Variants in SLC24A2 observed in about 807,000 individuals in gnomAD.
SLC24A2 encodes the protein sodium/potassium/calcium exchanger 2.
Under a neutral mutation model 62.0 loss-of-function variants are expected in SLC24A2, and 36 were observed. The ratio of observed to expected loss-of-function variants is 0.58; its 90% CI spans 0.44 to 0.77. The LOEUF is 0.77. Ranked by LOEUF, SLC24A2 falls within the 30% of genes least tolerant of loss-of-function variation. The pLI is 0.00. For synonymous variants in SLC24A2, 358 were observed against 294.0 expected, an observed-to-expected ratio of 1.22 and a Z score of -2.23; for missense variants, 846 against 817.9, an observed-to-expected ratio of 1.03 and a Z score of -0.42.
At chr9:19,534,554 G>A (rs562622949) in intron 8 of SLC24A2, among the ~76,000 whole-genome samples, 42 of 149,728 alleles carry the variant, frequency 2.8e-4, no homozygotes, top group Non-Finnish European at 4.6e-4. Flanking sequence ...TCCCCTCCCC[G>A]GGTCCATGTT....
At chr9:20,156,019 A>G in the SLC24A2 span, among the ~76,000 whole-genome samples, 1 of 151,742 alleles carries the variant, frequency 6.6e-6, no homozygotes, top group African/African-American at 2.4e-5. Flanking sequence ...ATAAAAGCCT[A>G]TTACTCTACC....
the SLC24A2 span, among the ~76,000 whole-genome samples, chr9:19,843,523 A>C: frequency 6.6e-6 from 1 of 152,048 alleles, no homozygotes; most frequent in Non-Finnish European, 1.5e-5. Flanking sequence ...AAAAAATAAT[A>C]ATTTCAACTT....
the SLC24A2 span, among the ~76,000 whole-genome samples, chr9:20,042,993 C>G: frequency 1.4e-4 from 21 of 152,134 alleles, no homozygotes; most frequent in African/African-American, 5.1e-4. Context: ...CTCCTTGGGT[C>G]TCCCTATTTC....
chr9:19,665,059 G>A (rs1483926576), intron 2 of SLC24A2, among the ~76,000 whole-genome samples: 4 of 152,128 alleles, frequency 2.6e-5, no homozygotes, highest in African/African-American at 4.8e-5. Flanking sequence ...GAATTTCAAG[G>A]CTGCCTGCTG....
chr9:19,855,699 TTCTC>T, the SLC24A2 span, among the ~76,000 whole-genome samples: 1 of 152,162 alleles, frequency 6.6e-6, no homozygotes, highest in Non-Finnish European at 1.5e-5. Context: ...TGTCCTGCCT[TTCTC>T]TCTGGCTGCC....
chr9:19,795,464 A>C, the SLC24A2 span, among the ~76,000 whole-genome samples: 1 of 152,192 alleles, frequency 6.6e-6, no homozygotes, highest in Non-Finnish European at 1.5e-5. Flanking sequence ...AACCCCTCAA[A>C]TACTCCACAT....
the SLC24A2 span, among the ~76,000 whole-genome samples, chr9:19,991,664 T>C: frequency 6.6e-6 from 1 of 152,204 alleles, no homozygotes; most frequent in African/African-American, 2.4e-5. Context: ...ACTACCATCC[T>C]ATACTGTCCT....
chr9:20,201,567 G>C, the SLC24A2 span, among the ~76,000 whole-genome samples: 1 of 152,012 alleles, frequency 6.6e-6, no homozygotes, highest in African/African-American at 2.4e-5. Flanking sequence ...ACCTGGAAGA[G>C]GTGACTTAAT....
At chr9:19,532,174 G>GT (rs1833739718) in intron 8 of SLC24A2, among the ~76,000 whole-genome samples, 1 of 152,256 alleles carries the variant, frequency 6.6e-6, no homozygotes, top group South Asian at 2.1e-4. Flanking sequence ...CCTCCACCTT[G>GT]TGGGTTCAAG....
rs373001750 is a variant in SLC24A2 at position 19,549,905 on chromosome 9, A to G, written c.1479+232T>C. Reference sequence around the variant, plus strand: ...TTTGATAACCTGAACAATCAGTGTGATTGTGTGTCTGCTCAGAGAAATCTG... The same window carrying G: ...TTTGATAACCTGAACAATCAGTGTGGTTGTGTGTCTGCTCAGAGAAATCTG... On this transcript the variant is annotated intron_variant, in intron 8 of 10. Transcript: ENST00000341998. Among the ~76,000 whole-genome samples the G allele has an allele frequency of 6.6e-5, 10 of 152,184 alleles. No individual in the cohort carries two copies. The East Asian group carries it at 1.2e-3, about 18-fold the overall frequency.
chr9:19,671,803 T>C lies in SLC24A2; in HGVS notation c.931-49504A>G, dbSNP rs1470919565. 5.0e-5 allele frequency among the ~76,000 whole-genome samples: 6 copies of C among 120,072 alleles called. 2 individuals carry two copies. Among genetic ancestry groups the C allele is most frequent in the African/African-American group, 2.6e-4 (6 of 22,954 alleles). 78.8% of individuals were successfully genotyped at this position (120,072 alleles called of 152,430 possible). ...TTGTCAAATGCTTTTCCTGCATCTATTGAGACGAACATATGATTTTTGTTT... is the reference window on the plus strand; with the variant it reads ...TTGTCAAATGCTTTTCCTGCATCTACTGAGACGAACATATGATTTTTGTTT... On this transcript the variant is annotated intron_variant, in intron 2 of 10. Coordinates refer to ENST00000341998, the MANE Select transcript of SLC24A2 (RefSeq NM_020344.4).
the SLC24A2 span, among the ~76,000 whole-genome samples, chr9:19,991,615 G>T: frequency 6.6e-6 from 1 of 152,070 alleles, no homozygotes; most frequent in African/African-American, 2.4e-5. Context: ...CATATATAAG[G>T]CAGGACTACT....
At chr9:20,077,759 T>C in the SLC24A2 span, among the ~76,000 whole-genome samples, 1 of 152,226 alleles carries the variant, frequency 6.6e-6, no homozygotes, top group South Asian at 2.1e-4. Context: ...AGTTGCAAGC[T>C]TGACAACTCT....
chr9:19,761,705 C>G (rs1043265901), intron 2 of SLC24A2, among the ~76,000 whole-genome samples: 1 of 151,822 alleles, frequency 6.6e-6, no homozygotes, highest in Non-Finnish European at 1.5e-5. Context: ...TTGTTCAATT[C>G]CCACCTATGA....
chr9:20,108,786 C>T, the SLC24A2 span, among the ~76,000 whole-genome samples: 5 of 152,058 alleles, frequency 3.3e-5, no homozygotes, highest in South Asian at 4.2e-4. Context: ...CAGCATGGCA[C>T]AAGTATACAT....
the SLC24A2 span, among the ~76,000 whole-genome samples, chr9:20,300,499 C>T: frequency 6.6e-6 from 1 of 152,306 alleles, no homozygotes; most frequent in South Asian, 2.1e-4. Context: ...GTGTTAAAAT[C>T]ATGCTTCAGA....
the SLC24A2 span, among the ~76,000 whole-genome samples, chr9:20,152,962 C>T: frequency 2.0e-5 from 3 of 151,724 alleles, no homozygotes; most frequent in African/African-American, 4.8e-5. Context: ...GTAATTTGTA[C>T]GGTGCCTAGT....
the SLC24A2 span, among the ~76,000 whole-genome samples, chr9:20,031,512 T>C: frequency 6.6e-6 from 1 of 151,768 alleles, no homozygotes; most frequent in African/African-American, 2.4e-5. Context: ...CACCAATGAA[T>C]GGATTATAAA....
chr9:19,553,503 C>CT (rs1834941024), intron 7 of SLC24A2, among the ~76,000 whole-genome samples: 3 of 152,164 alleles, frequency 2.0e-5, no homozygotes, highest in Non-Finnish European at 4.4e-5. Context: ...TTGTGTAAAG[C>CT]TTTAGGGCCT....
Sources: gnomAD v4.1 joint callset for allele counts (sites outside exome capture counted in the v4.1 genomes callset) on GRCh38, gnomAD v4.1.1 for gene constraint, MANE v1.5 for transcripts, NCBI Gene and HGNC (gene_info 2026-07-23, HGNC 2026-07-21) for gene names.